CCDC171: variants seen among roughly 807,000 people sequenced by gnomAD.
CCDC171 encodes coiled-coil domain containing 171.
Under a neutral mutation model 168.2 loss-of-function variants are expected in CCDC171, and 177 were observed. The ratio of observed to expected loss-of-function variants is 1.05; its 90% confidence interval spans 0.93 to 1.19. The LOEUF (loss-of-function observed/expected upper bound fraction) is 1.19, where lower values mean the gene tolerates loss of function less well. Among genes scored for constraint, CCDC171 ranks in the 50% most tolerant of loss-of-function variants. The probability of loss-of-function intolerance (pLI) is 0.00; values close to 1 mark genes in which losing one functional copy is unlikely to be tolerated. For missense variants in CCDC171, 1,991 were observed against 1,539.0 expected (o/e 1.29, Z -4.91); for synonymous variants, 687 against 540.8 (o/e 1.27, Z -3.75).
intron 23 of CCDC171, among the ~76,000 whole-genome samples, chr9:15,857,933 T>C (rs1274210241): frequency 6.6e-6 from 1 of 151,588 alleles, no homozygotes; most frequent in Non-Finnish European, 1.5e-5. Flanking sequence ...ACTATAGTTT[T>C]GATATATATA....
At chr9:16,015,430 G>T (rs1448751994) in intron 3 of CCDC171, among the ~76,000 whole-genome samples, 1 of 151,984 alleles carries the variant, frequency 6.6e-6, no homozygotes, top group Non-Finnish European at 1.5e-5. Flanking sequence ...GATCATAAAG[G>T]GTTGTATTTA....
At chr9:16,030,753 G>A (rs1226255374) in intron 6 of CCDC171, among the ~76,000 whole-genome samples, 1 of 152,160 alleles carries the variant, frequency 6.6e-6, no homozygotes, top group Non-Finnish European at 1.5e-5. Context: ...CATGGTTTGT[G>A]GTGGCGGCTC....
At chr9:15,735,305 T>A (rs1023824530) in intron 16 of CCDC171, among the ~76,000 whole-genome samples, 1 of 152,218 alleles carries the variant, frequency 6.6e-6, no homozygotes, top group Non-Finnish European at 1.5e-5. Flanking sequence ...TACTAAAGTA[T>A]CTGGGCCCAG....
chr9:15,700,655 T>C (rs548309052), intron 11 of CCDC171, among the ~76,000 whole-genome samples: 5 of 152,160 alleles, frequency 3.3e-5, no homozygotes, highest in South Asian at 2.1e-4. Context: ...TTTTATTTTG[T>C]ATTTTTTTTT....
intron 18 of CCDC171, among the ~76,000 whole-genome samples, chr9:15,770,737 A>T (rs1356644429): frequency 6.6e-6 from 1 of 152,224 alleles, no homozygotes; most frequent in Non-Finnish European, 1.5e-5. Context: ...AGTGAGTAAG[A>T]TAGTGCATGG....
At chr9:16,001,910 T>C (rs1428857336) in intron 3 of CCDC171, among the ~76,000 whole-genome samples, 1 of 150,124 alleles carries the variant, frequency 6.7e-6, no homozygotes, top group Non-Finnish European at 1.5e-5. Flanking sequence ...CAATCATGGC[T>C]CACTGCAGCC....
At chr9:16,008,240 G>A (rs1255367369) in intron 3 of CCDC171, among the ~76,000 whole-genome samples, 1 of 151,910 alleles carries the variant, frequency 6.6e-6, no homozygotes, top group Admixed American at 6.6e-5. Flanking sequence ...TCTATTTTGA[G>A]TTAATTTTTT....
intron 9 of CCDC171, among the ~76,000 whole-genome samples, chr9:15,675,406 C>T (rs1374081976): frequency 1.3e-5 from 2 of 151,978 alleles, no homozygotes; most frequent in Admixed American, 6.6e-5. Context: ...TGAATCTGAT[C>T]CTGTCATTAT....
At chr9:16,068,869 T>A in the CCDC171 span, among the ~76,000 whole-genome samples, 1 of 152,212 alleles carries the variant, frequency 6.6e-6, no homozygotes, top group Non-Finnish European at 1.5e-5. Context: ...TCAGACAGGG[T>A]CTCAAAGTCT....
chr9:15,852,435 T>C (rs1003589600), intron 23 of CCDC171, among the ~76,000 whole-genome samples: 2 of 151,760 alleles, frequency 1.3e-5, no homozygotes, highest in African/African-American at 4.8e-5. Context: ...TTGATTGTCT[T>C]TTTGTTGTTG....
intron 3 of CCDC171, among the ~76,000 whole-genome samples, chr9:15,988,786 G>A (rs571117547): frequency 1.2e-4 from 18 of 152,296 alleles, no homozygotes; most frequent in Middle Eastern, 3.4e-3. Context: ...ATTATATCCC[G>A]CGCCTGGCTC....
rs2057835912 is a variant in CCDC171, at chr9:15,784,534, A to C, written c.3107A>C (p.Glu1036Ala). 2 of 1,613,062 alleles carry C rather than the reference A, an allele frequency of 1.2e-6. No homozygotes were observed. Among genetic ancestry groups the C allele is most frequent in the Admixed American group, 1.7e-5 (1 of 59,934 alleles). The stretch of plus-strand genomic sequence containing the variant: ...AAATTGATCACCCATGAGAAGTTTG[A>C]AAGTGCATGTGAAGAACTAAATAAT... ...QSKLITHEKF[E>A]SACEELNNAL... The change falls in exon 21 of 26, where the codon GAA becomes GCA. Residue 1036 changes from glutamate to alanine, a missense_variant. Transcript: ENST00000380701.
intron 11 of CCDC171, among the ~76,000 whole-genome samples, chr9:15,700,848 C>T (rs1461238493): frequency 6.6e-6 from 1 of 151,972 alleles, no homozygotes; most frequent in Non-Finnish European, 1.5e-5. Context: ...AATTTACATT[C>T]CCACCAACAA....
Position 15,616,273 on chromosome 9 carries a change from A to T in CCDC171, c.676-6994A>T, listed in dbSNP as rs565609916. Among the ~76,000 whole-genome samples, 4 of 151,976 alleles carry T rather than the reference A, an allele frequency of 2.6e-5. No homozygotes were observed. In the South Asian group the frequency reaches 8.3e-4, roughly 32 times the overall value. ...AGCCATTTCTGTTTATTTTTTAGGGATGATGTTTTGCCATGTTGCCCAGTG... is the reference window on the plus strand; with the variant it reads ...AGCCATTTCTGTTTATTTTTTAGGGTTGATGTTTTGCCATGTTGCCCAGTG... On this transcript the variant is annotated intron_variant, in intron 6 of 25. Coordinates refer to ENST00000380701, the MANE Select transcript of CCDC171 (RefSeq NM_173550.4).
downstream of CCDC171, among the ~76,000 whole-genome samples, chr9:16,063,747 A>G (rs1036028619): frequency 6.6e-6 from 1 of 152,308 alleles, no homozygotes; most frequent in East Asian, 1.9e-4. Context: ...GACTTTCCCC[A>G]TTATAACATT....
intron 3 of CCDC171, among the ~76,000 whole-genome samples, chr9:16,011,727 A>C (rs1240539273): frequency 6.6e-6 from 1 of 152,214 alleles, no homozygotes; most frequent in Non-Finnish European, 1.5e-5. Flanking sequence ...GCAGGATAAA[A>C]ATGCAAAATA....
At chr9:15,943,747 G>T (rs1251044833) in intron 25 of CCDC171, among the ~76,000 whole-genome samples, 1 of 151,856 alleles carries the variant, frequency 6.6e-6, no homozygotes, top group African/African-American at 2.4e-5. Context: ...ATCTGCACAT[G>T]GATTGAATAC....
intron 3 of CCDC171, among the ~76,000 whole-genome samples, chr9:16,000,039 G>A (rs912287309): frequency 6.6e-6 from 1 of 152,172 alleles, no homozygotes; most frequent in African/African-American, 2.4e-5. Flanking sequence ...TATGGCAAAA[G>A]CATAATGCCC....
rs1225925482 is a variant in CCDC171, at chr9:15,745,635, T to G, written c.2671+4T>G. On this transcript the variant is annotated splice_donor_region_variant and intron_variant, in intron 18 of 25. Coordinates refer to ENST00000380701, the MANE Select transcript of CCDC171 (RefSeq NM_173550.4). ...CAAGACGTCATTGGTAAAGCAGGTA[T>G]GGTTCCTTCTTTTATGTCCTTGCAA... The G allele has an allele frequency of 1.3e-6, 2 of 1,529,102 alleles. No individual in the cohort carries two copies. The highest frequency in any genetic ancestry group is 2.8e-5 in the African/African-American group (2 of 70,476). 94.7% of individuals were successfully genotyped at this position (1,529,102 alleles called of 1,614,324 possible).
Sources: allele counts gnomAD v4.1 joint callset (sites outside exome capture counted in the v4.1 genomes callset), GRCh38; gene constraint gnomAD v4.1.1; transcripts MANE v1.5; gene names NCBI Gene and HGNC (gene_info 2026-07-23, HGNC 2026-07-21).